APBB2: variants seen among roughly 807,000 people sequenced by gnomAD.
APBB2 encodes the protein amyloid beta precursor protein binding family B member 2.
Under a neutral mutation model 82.5 loss-of-function variants are expected in APBB2, and 38 were observed. The observed-to-expected ratio is 0.46, with a 90% confidence interval of 0.36 to 0.60. APBB2 has a LOEUF of 0.60. APBB2 is among the 20% of genes least tolerant of loss of function. The pLI is 0.00. For missense variants in APBB2, 772 were observed against 972.3 expected, an observed-to-expected ratio of 0.79 and a Z score of 2.74; for synonymous variants, 341 against 368.2, an observed-to-expected ratio of 0.93 and a Z score of 0.85.
intron 6 of APBB2, among the ~76,000 whole-genome samples, chr4:41,003,401 T>C (rs1805769340): frequency 6.6e-6 from 1 of 152,252 alleles, no homozygotes; most frequent in African/African-American, 2.4e-5. Context: ...GAATTATCTG[T>C]AAGATGTCTG....
chr4:41,211,263 T>TAAG (rs1779244533), intron 1 of APBB2, among the ~76,000 whole-genome samples: 1 of 151,342 alleles, frequency 6.6e-6, no homozygotes, highest in Non-Finnish European at 1.5e-5. Context: ...TCAAAAATAA[T>TAAG]AATAATAATA....
At chr4:40,943,254 C>A (rs1179887400) in intron 7 of APBB2, among the ~76,000 whole-genome samples, 3 of 150,126 alleles carry the variant, frequency 2.0e-5, no homozygotes, top group Non-Finnish European at 4.4e-5. Context: ...CATATGAATG[C>A]TGGCACCAAA....
At chr4:40,931,643 G>C (rs868562247) in intron 10 of APBB2, among the ~76,000 whole-genome samples, 5 of 152,242 alleles carry the variant, frequency 3.3e-5, no homozygotes, top group Non-Finnish European at 5.9e-5. Context: ...GGCACACACA[G>C]AAAACCCCAC....
rs187534446 is a variant in APBB2 at position 41,083,796 on chromosome 4, T to C, written c.-149+16843A>G. 2.6e-5 allele frequency among the ~76,000 whole-genome samples: 4 copies of C among 151,846 alleles called. No individual in the cohort carries two copies. The South Asian group carries it at 8.3e-4, about 32-fold the overall frequency. On this transcript the variant is annotated intron_variant, in intron 3 of 17. Coordinates refer to ENST00000508593, the MANE Select transcript of APBB2 (RefSeq NM_004307.2). ...TAACAGTAATTATTACAGTGATCAT[T>C]AACAGTAACTTATTTCATCACATCT...
intron 2 of APBB2, among the ~76,000 whole-genome samples, chr4:41,125,533 A>G (rs969139896): frequency 6.8e-5 from 10 of 147,986 alleles, no homozygotes; most frequent in African/African-American, 2.4e-4. Flanking sequence ...GGATACATCG[A>G]AAAAAAACAA....
intron 1 of APBB2, among the ~76,000 whole-genome samples, chr4:41,195,486 AC>A: frequency 0.35 from 52,845 of 151,768 alleles, 9,612 homozygotes; most frequent in African/African-American, 0.46. Flanking sequence ...CCAGTTCTCC[AC>A]CATTCTCCCA....
At chr4:40,904,724 G>T (rs58963331) in intron 10 of APBB2, among the ~76,000 whole-genome samples, 5,610 of 143,760 alleles carry the variant, frequency 0.039, 351 homozygotes, top group African/African-American at 0.14. Flanking sequence ...GCTTTTCAAA[G>T]CTAGGATGTC....
At chr4:40,941,052 A>G (rs1786761747) in intron 7 of APBB2, among the ~76,000 whole-genome samples, 1 of 152,224 alleles carries the variant, frequency 6.6e-6, no homozygotes. Flanking sequence ...TTGGAATGTG[A>G]AATGTAAAAT....
intron 1 of APBB2, among the ~76,000 whole-genome samples, chr4:41,208,939 A>G (rs1022732928): frequency 2.6e-5 from 4 of 152,230 alleles, no homozygotes; most frequent in African/African-American, 9.6e-5. Flanking sequence ...GATAAGATTC[A>G]AACACCATGG....
rs1350364503 is a variant in APBB2, at chr4:40,812,944, T to C, written c.*3148A>G. The C allele has an allele frequency of 6.6e-6, 1 of 152,194 alleles. No individual in the cohort carries two copies. The highest frequency in any genetic ancestry group is 6.5e-5 in the Admixed American group (1 of 15,288). The allele number at this position is 152,194 out of a possible 1,614,324, so 9.4% of individuals were successfully genotyped here. A position where few individuals can be genotyped will look rare whatever the true frequency, so the allele number is the denominator to read the frequency against. On this transcript the variant is annotated 3_prime_UTR_variant, in exon 18 of 18. Transcript: ENST00000508593. Reference sequence around the variant, plus strand: ...TATATCTCTTAGATGAAATCACACATGTTGTGAAGGGTAGAAAAACGAAGC... The same window carrying C: ...TATATCTCTTAGATGAAATCACACACGTTGTGAAGGGTAGAAAAACGAAGC...
intron 10 of APBB2, among the ~76,000 whole-genome samples, chr4:40,909,706 C>G (rs1360426029): frequency 2.0e-5 from 3 of 152,148 alleles, no homozygotes; most frequent in African/African-American, 7.2e-5. Flanking sequence ...TCTCATTAGA[C>G]ATATGTAATC....
intron 5 of APBB2, among the ~76,000 whole-genome samples, chr4:41,031,791 G>C (rs1248171103): frequency 6.6e-6 from 1 of 151,998 alleles, no homozygotes; most frequent in Admixed American, 6.6e-5. Context: ...AAAAGTTAAA[G>C]GATCCCTAAA....
At chr4:40,843,625 A>G (rs944837328) in intron 12 of APBB2, among the ~76,000 whole-genome samples, 1 of 152,224 alleles carries the variant, frequency 6.6e-6, no homozygotes, top group Non-Finnish European at 1.5e-5. Context: ...GACTTTTGTG[A>G]TAAAATATGC....
At chr4:40,894,572 G>A (rs1008376059) in intron 10 of APBB2, among the ~76,000 whole-genome samples, 4 of 152,178 alleles carry the variant, frequency 2.6e-5, no homozygotes, top group African/African-American at 9.7e-5. Flanking sequence ...TAACAAATAA[G>A]TGCCAGGTCC....
At chr4:41,130,618 C>T (rs1263272281) in intron 2 of APBB2, among the ~76,000 whole-genome samples, 3 of 152,088 alleles carry the variant, frequency 2.0e-5, no homozygotes, top group East Asian at 3.9e-4. Flanking sequence ...CCCTCCTTTC[C>T]TTTCTAACTA....
At chr4:41,204,777 G>C (rs1777533469) in intron 1 of APBB2, among the ~76,000 whole-genome samples, 1 of 152,196 alleles carries the variant, frequency 6.6e-6, no homozygotes, top group Admixed American at 6.5e-5. Flanking sequence ...TAAGCCAGGA[G>C]GCCACTGCTC....
At chr4:41,176,160 CT>C (rs1422879486) in intron 1 of APBB2, among the ~76,000 whole-genome samples, 1 of 152,150 alleles carries the variant, frequency 6.6e-6, no homozygotes, top group Non-Finnish European at 1.5e-5. Flanking sequence ...TCTGGTCCCC[CT>C]GGCTCTGTTA....
chr4:40,893,605 T>C (rs1772740910), intron 10 of APBB2, among the ~76,000 whole-genome samples, 194 bp from the exon 11 acceptor site: 1 of 151,990 alleles, frequency 6.6e-6, no homozygotes, highest in Non-Finnish European at 1.5e-5. Flanking sequence ...TTTTGCTATT[T>C]AAAAAAATGT....
chr4:40,902,864 G>A (rs112099345), intron 10 of APBB2, among the ~76,000 whole-genome samples: 5,878 of 152,292 alleles, frequency 0.039, 369 homozygotes, highest in African/African-American at 0.13. Context: ...AAACTGGCCA[G>A]GCACAGTGGC....
Sources: gnomAD v4.1 joint callset for allele counts (sites outside exome capture counted in the v4.1 genomes callset) on GRCh38, gnomAD v4.1.1 for gene constraint, MANE v1.5 for transcripts, NCBI Gene and HGNC (gene_info 2026-07-23, HGNC 2026-07-21) for gene names.